The following NCAM2 variants were observed in gnomAD, a reference collection of about 807,000 sequenced individuals.
The protein encoded by NCAM2 is neural cell adhesion molecule 2.
NCAM2 carries 30 observed loss-of-function variants against 98.1 expected under a neutral mutation model. The ratio of observed to expected loss-of-function variants is 0.31; its 90% CI spans 0.23 to 0.41. The LOEUF (loss-of-function observed/expected upper bound fraction) is 0.41. Ranked by LOEUF, NCAM2 falls within the 10% of genes least tolerant of loss-of-function variation. The pLI is 1.00. For missense variants in NCAM2, 867 were observed against 1,005.8 expected (o/e 0.86, Z 1.87); for synonymous variants, 368 against 342.4 (o/e 1.07, Z -0.83).
chr21:21,106,301 C>T (rs1161010806), intron 1 of NCAM2, among the ~76,000 whole-genome samples: 2 of 57,606 alleles, frequency 3.5e-5, no homozygotes, highest in Non-Finnish European at 6.0e-5. Context: ...GAATGAGAGA[C>T]ATGTCTCAAA....
chr21:21,418,200 T>C (rs1344474586), intron 10 of NCAM2, among the ~76,000 whole-genome samples: 1 of 152,058 alleles, frequency 6.6e-6, no homozygotes, highest in Non-Finnish European at 1.5e-5. Context: ...TGCTATTTAA[T>C]AGATACATCG....
Position 21,227,343 on chromosome 21 carries a change from A to G in NCAM2, c.56-53235A>G, listed in dbSNP as rs561247913. Among the ~76,000 whole-genome samples the G allele has an allele frequency of 9.9e-5, 15 of 152,018 alleles. No individual in the cohort carries two copies. The South Asian group carries it at 2.5e-3, about 25-fold the overall frequency. ...AAGAAAAGGTAGTTACTATAAAAAC[A>G]TAAAAGAAGATTATTTAAGTTCAAA... On this transcript the variant is annotated intron_variant, in intron 1 of 17. Coordinates refer to ENST00000400546, the MANE Select transcript of NCAM2 (RefSeq NM_004540.5).
chr21:21,089,650 T>C (rs1439753459), intron 1 of NCAM2, among the ~76,000 whole-genome samples: 1 of 152,190 alleles, frequency 6.6e-6, no homozygotes, highest in African/African-American at 2.4e-5. Context: ...TTCTGTTTTC[T>C]CTATGTTTAT....
At chr21:21,304,505 A>G (rs543748084) in intron 5 of NCAM2, among the ~76,000 whole-genome samples, 50 of 152,216 alleles carry the variant, frequency 3.3e-4, no homozygotes, top group African/African-American at 1.1e-3. Context: ...AGCCGTTATG[A>G]TAAGTTAGAA....
intron 8 of NCAM2, among the ~76,000 whole-genome samples, chr21:21,359,106 G>T (rs2075574346): frequency 6.6e-6 from 1 of 151,966 alleles, no homozygotes; most frequent in South Asian, 2.1e-4. Context: ...CTGTGTGTGT[G>T]TTTTTCTTTT....
chr21:21,379,727 T>G (rs1359113275), intron 9 of NCAM2, among the ~76,000 whole-genome samples: 1 of 152,112 alleles, frequency 6.6e-6, no homozygotes, highest in African/African-American at 2.4e-5. Context: ...CTGTAGTTGT[T>G]ATTGTGTTTT....
intron 1 of NCAM2, among the ~76,000 whole-genome samples, chr21:21,097,370 A>C (rs2066145233): frequency 6.6e-6 from 1 of 151,734 alleles, no homozygotes; most frequent in South Asian, 2.1e-4. Flanking sequence ...AGCAGGTATT[A>C]TTTCACTAAA....
At chr21:21,504,093 A>G (rs930871055) in intron 15 of NCAM2, among the ~76,000 whole-genome samples, 2 of 151,908 alleles carry the variant, frequency 1.3e-5, no homozygotes, top group African/African-American at 2.4e-5. Flanking sequence ...TATTTGCTGT[A>G]TTGCTGTACT....
At chr21:21,294,694 G>T (rs2073413055) in intron 5 of NCAM2, among the ~76,000 whole-genome samples, 1 of 151,806 alleles carries the variant, frequency 6.6e-6, no homozygotes, top group Admixed American at 6.6e-5. Context: ...AGAATGCATT[G>T]ACTAATGCCA....
intron 12 of NCAM2, among the ~76,000 whole-genome samples, chr21:21,437,067 G>C (rs140717887): frequency 6.6e-6 from 1 of 151,892 alleles, no homozygotes; most frequent in Non-Finnish European, 1.5e-5. Context: ...AAACCACCAC[G>C]CCTCGCCAGA....
chr21:21,528,016 A>G (rs1989422351), intron 16 of NCAM2, among the ~76,000 whole-genome samples: 1 of 152,210 alleles, frequency 6.6e-6, no homozygotes, highest in Non-Finnish European at 1.5e-5. Context: ...CAGCACTAAA[A>G]AGGAAAGAGA....
At position 21,540,676 on chromosome 21, in the gene NCAM2, A is replaced by G. The variant is rs1990197297; in HGVS notation, c.*2719A>G. ...TGAGAGTACTCTTAAATATTAGTAT[A>G]AAGTGTCAAAAGAATTGACTGAATA... is the stretch of plus-strand genomic sequence containing the variant. On this transcript the variant is annotated 3_prime_UTR_variant, in exon 18 of 18. Coordinates refer to ENST00000400546, the MANE Select transcript of NCAM2 (RefSeq NM_004540.5). 1 of 152,042 alleles carries G rather than the reference A, an allele frequency of 6.6e-6. No individual in the cohort carries two copies. The highest frequency in any genetic ancestry group is 6.6e-5 in the Admixed American group (1 of 15,220). 9.4% of individuals were successfully genotyped at this position (152,042 alleles called of 1,614,324 possible).
At chr21:21,342,457 G>C (rs1277818021) in intron 8 of NCAM2, among the ~76,000 whole-genome samples, 1 of 152,182 alleles carries the variant, frequency 6.6e-6, no homozygotes, top group African/African-American at 2.4e-5. Context: ...AGTCTTGACT[G>C]TGGGCTGCAA....
Position 21,065,993 on chromosome 21 carries a change from C to T in NCAM2, c.55+67375C>T, listed in dbSNP as rs146899926. On this transcript the variant is annotated intron_variant, in intron 1 of 17. Coordinates refer to ENST00000400546, the MANE Select transcript of NCAM2 (RefSeq NM_004540.5). ...AAATAGGTATATGCAGAACAGATGC[C>T]TCTATGACCTGTCTCCAGATTTACT... Among the ~76,000 whole-genome samples, 285 of 152,234 alleles carry T rather than the reference C, an allele frequency of 1.9e-3. 1 individual carries two copies. Among genetic ancestry groups the T allele is most frequent in the Non-Finnish European group, 2.4e-3 (162 of 67,994 alleles).
At chr21:21,210,600 T>C (rs2069613487) in intron 1 of NCAM2, 4 of 1,288,914 alleles carry the variant, frequency 3.1e-6, no homozygotes. Flanking sequence ...TTTACCTTGA[T>C]TATCACAACA....
intron 1 of NCAM2, among the ~76,000 whole-genome samples, chr21:21,082,748 G>A (rs1331505886): frequency 1.3e-5 from 2 of 152,112 alleles, no homozygotes; most frequent in Non-Finnish European, 2.9e-5. Flanking sequence ...TATTAGAACT[G>A]CCGTTTTCTC....
At chr21:21,380,142 G>T (rs1237287475) in intron 9 of NCAM2, among the ~76,000 whole-genome samples, 1 of 151,994 alleles carries the variant, frequency 6.6e-6, no homozygotes, top group Admixed American at 6.6e-5. Context: ...CAACACCCTG[G>T]CAGATACACC....
intron 1 of NCAM2, among the ~76,000 whole-genome samples, chr21:21,136,588 A>G (rs2067055915): frequency 6.6e-6 from 1 of 150,816 alleles, no homozygotes; most frequent in African/African-American, 2.4e-5. Flanking sequence ...TAGCCTCTGG[A>G]GTAGCTGGGA....
At chr21:21,108,219 TAAAG>T (rs1384739808) in intron 1 of NCAM2, among the ~76,000 whole-genome samples, 3 of 152,018 alleles carry the variant, frequency 2.0e-5, no homozygotes, top group African/African-American at 4.8e-5. Context: ...ATTTGACTCA[TAAAG>T]ACTTTTTTTT....
Sources: allele counts gnomAD v4.1 joint callset (sites outside exome capture counted in the v4.1 genomes callset), GRCh38; gene constraint gnomAD v4.1.1; transcripts MANE v1.5; gene names NCBI Gene and HGNC (gene_info 2026-07-23, HGNC 2026-07-21).